The following NUBPL variants were observed in gnomAD, a reference collection of about 807,000 sequenced individuals.
NUBPL encodes the protein NUBP iron-sulfur cluster assembly factor, mitochondrial, also known as iron-sulfur cluster transfer protein NUBPL.
NUBPL carries 31 observed loss-of-function variants against 45.7 expected under a neutral mutation model. The ratio of observed to expected loss-of-function variants is 0.68; its 90% CI spans 0.51 to 0.92. NUBPL has a LOEUF of 0.92. NUBPL is among the 40% of genes least tolerant of loss of function. NUBPL has a pLI of 0.00. For missense variants in NUBPL, 401 were observed against 398.7 expected, an observed-to-expected ratio of 1.01 and a Z score of -0.05; for synonymous variants, 144 against 140.9, an observed-to-expected ratio of 1.02 and a Z score of -0.15.
chr14:31,749,085 A>G (rs955812575), intron 6 of NUBPL, among the ~76,000 whole-genome samples: 4 of 152,012 alleles, frequency 2.6e-5, no homozygotes, highest in Admixed American at 2.6e-4. Flanking sequence ...CCGTTCAATC[A>G]CTCTATATCT....
At chr14:31,588,557 T>C (rs1426877757) in intron 3 of NUBPL, among the ~76,000 whole-genome samples, 1 of 152,108 alleles carries the variant, frequency 6.6e-6, no homozygotes, top group Non-Finnish European at 1.5e-5. Flanking sequence ...CAAATACTAG[T>C]TTGCTTTTTC....
chr14:31,751,205 T>C (rs1274489045), intron 6 of NUBPL, among the ~76,000 whole-genome samples: 1 of 152,228 alleles, frequency 6.6e-6, no homozygotes, highest in Non-Finnish European at 1.5e-5. Context: ...CCAAATCTCA[T>C]GTCCTTTTCA....
intron 3 of NUBPL, among the ~76,000 whole-genome samples, chr14:31,570,331 A>G (rs978182829): frequency 2.0e-5 from 3 of 152,230 alleles, no homozygotes; most frequent in Admixed American, 6.5e-5. Context: ...ATATTGCTTC[A>G]TAACAGAGTA....
intron 6 of NUBPL, among the ~76,000 whole-genome samples, chr14:31,770,929 A>G (rs1390541268): frequency 1.3e-5 from 2 of 152,224 alleles, no homozygotes; most frequent in African/African-American, 2.4e-5. Flanking sequence ...CTTATTTGCT[A>G]TGATTTAATC....
At chr14:31,851,745 GT>G (rs10708638) in intron 10 of NUBPL, among the ~76,000 whole-genome samples, 39,834 of 151,608 alleles carry the variant, frequency 0.26, 7,912 homozygotes, top group African/African-American at 0.56. Context: ...AAAATTGAGG[GT>G]TTTTTTTGCT....
intron 6 of NUBPL, among the ~76,000 whole-genome samples, chr14:31,736,475 C>A (rs1177596358): frequency 6.6e-6 from 1 of 152,106 alleles, no homozygotes; most frequent in Non-Finnish European, 1.5e-5. Context: ...TAGATAAAAT[C>A]TTTTAATGTC....
chr14:31,841,925 T>G lies in NUBPL; in HGVS notation c.694-4546T>G, dbSNP rs1302664392. On this transcript the variant is annotated intron_variant, in intron 8 of 10. Transcript: ENST00000281081. The stretch of plus-strand genomic sequence containing the variant: ...TATGGGTCGATTCTGGGCTTTTTTT[T>G]TTTTTTTTTTTTTTTTTTTTTTTGA... 2.3e-4 allele frequency among the ~76,000 whole-genome samples: 26 copies of G among 113,956 alleles called. 3 individuals carry two copies. The highest frequency in any genetic ancestry group is 4.7e-4 in the African/African-American group (13 of 27,788). 74.8% of individuals were successfully genotyped at this position (113,956 alleles called of 152,430 possible).
intron 6 of NUBPL, among the ~76,000 whole-genome samples, chr14:31,778,074 T>A (rs2039128140): frequency 6.6e-6 from 1 of 152,152 alleles, no homozygotes; most frequent in African/African-American, 2.4e-5. Flanking sequence ...ATCCATGGGG[T>A]CATTGTCAGT....
At chr14:31,837,009 A>T (rs1314547992) in intron 8 of NUBPL, among the ~76,000 whole-genome samples, 3 of 152,214 alleles carry the variant, frequency 2.0e-5, no homozygotes, top group African/African-American at 7.2e-5. Context: ...TTGGTAGTTT[A>T]TCTGTCTTGT....
chr14:31,562,634 C>T (rs1173857538), intron 2 of NUBPL, among the ~76,000 whole-genome samples: 6 of 138,138 alleles, frequency 4.3e-5, no homozygotes, highest in African/African-American at 1.6e-4. Context: ...GACGGAATCT[C>T]GCTCTGTCAC....
At chr14:31,616,812 A>G (rs2034914332) in intron 4 of NUBPL, among the ~76,000 whole-genome samples, 1 of 152,186 alleles carries the variant, frequency 6.6e-6, no homozygotes, top group African/African-American at 2.4e-5. Flanking sequence ...CTTTGAAGAA[A>G]GTCAATGGTA....
At chr14:31,599,546 T>C (rs2034371540) in intron 4 of NUBPL, among the ~76,000 whole-genome samples, 167 bp downstream of exon 4, 1 of 152,210 alleles carries the variant, frequency 6.6e-6, no homozygotes, top group Non-Finnish European at 1.5e-5. Flanking sequence ...TGAATAGATA[T>C]GTTAATTGAT....
At chr14:31,625,380 C>A (rs993881321) in intron 4 of NUBPL, among the ~76,000 whole-genome samples, 7 of 152,012 alleles carry the variant, frequency 4.6e-5, no homozygotes, top group Admixed American at 1.3e-4. Context: ...CTTAGGAAAT[C>A]AATCATTTGG....
chr14:31,646,007 C>T (rs1223590487), intron 4 of NUBPL, among the ~76,000 whole-genome samples: 1 of 152,016 alleles, frequency 6.6e-6, no homozygotes, highest in Non-Finnish European at 1.5e-5. Context: ...TTCTTTTGCA[C>T]ATTAGTGGTT....
chr14:31,818,828 G>A lies in NUBPL; in HGVS notation c.608-7801G>A, dbSNP rs943666665. Reference sequence around the variant, plus strand: ...CTCCCAAAGTGCTGGGATTACAGGCGTGAGCTGCCGTGCCCAGCCAATTGA... The same window carrying A: ...CTCCCAAAGTGCTGGGATTACAGGCATGAGCTGCCGTGCCCAGCCAATTGA... On this transcript the variant is annotated intron_variant, in intron 7 of 10. Transcript: ENST00000281081. Among the ~76,000 whole-genome samples the A allele has an allele frequency of 8.5e-5, 13 of 152,348 alleles. 1 individual carries two copies. The highest frequency in any genetic ancestry group is 7.7e-4 in the East Asian group (4 of 5,182).
intron 4 of NUBPL, among the ~76,000 whole-genome samples, chr14:31,645,858 C>T (rs2035837060): frequency 7.2e-6 from 1 of 138,780 alleles, no homozygotes; most frequent in African/African-American, 2.7e-5. Flanking sequence ...ATAGCTATTA[C>T]TGTTTTCGAT....
At chr14:31,585,585 C>T (rs753898196) in intron 3 of NUBPL, among the ~76,000 whole-genome samples, 8 of 152,126 alleles carry the variant, frequency 5.3e-5, no homozygotes, top group South Asian at 2.1e-4. Flanking sequence ...GGTGATCATA[C>T]GGTAACTCTC....
intron 6 of NUBPL, among the ~76,000 whole-genome samples, chr14:31,768,209 C>G (rs932844262): frequency 2.0e-5 from 3 of 152,102 alleles, no homozygotes; most frequent in African/African-American, 4.8e-5. Flanking sequence ...TTGGCAGGAG[C>G]CTATCAAGCA....
intron 4 of NUBPL, among the ~76,000 whole-genome samples, chr14:31,609,951 G>T: frequency 6.6e-6 from 1 of 152,090 alleles, no homozygotes. Flanking sequence ...AGCTATAAGT[G>T]CCTATATCAA....
Sources: gnomAD v4.1 joint callset for allele counts (sites outside exome capture counted in the v4.1 genomes callset) on GRCh38, gnomAD v4.1.1 for gene constraint, MANE v1.5 for transcripts, NCBI Gene and HGNC (gene_info 2026-07-23, HGNC 2026-07-21) for gene names.